The following SCAI variants were observed in gnomAD, a reference collection of about 807,000 sequenced individuals.
SCAI encodes suppressor of cancer cell invasion.
Under a neutral mutation model 92.2 loss-of-function variants are expected in SCAI, and 24 were observed. That is an observed-to-expected ratio of 0.26 (90% CI 0.19 to 0.37). SCAI has a LOEUF of 0.37. Ranked by LOEUF, SCAI falls within the 10% of genes least tolerant of loss-of-function variation. The pLI is 1.00. For synonymous variants in SCAI, 261 were observed against 258.6 expected (o/e 1.01, Z -0.09); for missense variants, 450 against 736.2 (o/e 0.61, Z 4.50).
intron 14 of SCAI, among the ~76,000 whole-genome samples, chr9:124,981,527 G>A (rs191033552): frequency 2.6e-4 from 39 of 152,242 alleles, no homozygotes; most frequent in African/African-American, 7.9e-4. Flanking sequence ...TAATAAAGAA[G>A]CTCTTCATCA....
chr9:125,115,785 G>A (rs1210798493), intron 2 of SCAI, among the ~76,000 whole-genome samples: 2 of 152,120 alleles, frequency 1.3e-5, no homozygotes, highest in Non-Finnish European at 2.9e-5. Context: ...GAGAGGGAAG[G>A]AGGCAAATGC....
rs1483487383 is a variant in SCAI at position 124,949,866 on chromosome 9, A to AT, written c.*2940dup. The stretch of plus-strand genomic sequence containing the variant: ...GGAGTATAGTCTTTGTTTAATACGC[A>AT]TTTTTTTGAAGGCATCAATGAAACA... On this transcript the variant is annotated 3_prime_UTR_variant, in exon 18 of 18. Coordinates refer to ENST00000336505, the MANE Select transcript of SCAI (RefSeq NM_001144877.3). The surrounding 1 kb of genome is among the most constrained non-coding windows in gnomAD (Gnocchi z 4.0). 1 of 152,058 alleles carries AT rather than the reference A, an allele frequency of 6.6e-6. No homozygotes were observed. Among genetic ancestry groups the AT allele is most frequent in the Non-Finnish European group, 1.5e-5 (1 of 68,004 alleles). 9.4% of individuals were successfully genotyped at this position (152,058 alleles called of 1,614,324 possible).
At position 124,977,956 on chromosome 9, in the gene SCAI, G is replaced by A. The variant is rs576102066; in HGVS notation, c.1327-1770C>T. Among the ~76,000 whole-genome samples, 5 of 152,020 alleles carry A rather than the reference G, an allele frequency of 3.3e-5. No individual in the cohort carries two copies. In the South Asian group the frequency reaches 8.3e-4, roughly 25 times the overall value. ...AAATGTAAAAAATTAAATAATAAAAGTGGTGAAAAAAATAATTATTTTTTT... is the reference window on the plus strand; with the variant it reads ...AAATGTAAAAAATTAAATAATAAAAATGGTGAAAAAAATAATTATTTTTTT... On this transcript the variant is annotated intron_variant, in intron 14 of 17. Coordinates refer to ENST00000336505, the MANE Select transcript of SCAI (RefSeq NM_001144877.3).
chr9:125,134,951 C>T (rs1351141053), intron 2 of SCAI, among the ~76,000 whole-genome samples: 2 of 152,208 alleles, frequency 1.3e-5, no homozygotes, highest in Non-Finnish European at 2.9e-5. Flanking sequence ...GCTGAGATTA[C>T]AGGCATGAGC....
intron 2 of SCAI, among the ~76,000 whole-genome samples, chr9:125,074,054 T>C (rs1421769223): frequency 6.6e-6 from 1 of 151,248 alleles, no homozygotes; most frequent in South Asian, 2.1e-4. Context: ...GGTCAAGAGA[T>C]CGAGACCGTC....
chr9:125,021,703 T>C (rs1443660668), intron 6 of SCAI, among the ~76,000 whole-genome samples: 1 of 152,170 alleles, frequency 6.6e-6, no homozygotes, highest in African/African-American at 2.4e-5. Context: ...TTTTCCATAA[T>C]AAAATTTTTA....
chr9:125,032,196 T>TATATATATATATATATATATATATA (rs1491338051), intron 3 of SCAI, among the ~76,000 whole-genome samples: 1 of 65,566 alleles, frequency 1.5e-5, no homozygotes, highest in Admixed American at 1.5e-4. Context: ...TATATATATA[T>TATATATATATATATATATATATATA]TTTTTTTTTT....
chr9:125,135,438 G>A (rs1030742714), intron 2 of SCAI, among the ~76,000 whole-genome samples: 6 of 151,974 alleles, frequency 3.9e-5, no homozygotes, highest in Non-Finnish European at 7.4e-5. Context: ...GATCAATTGA[G>A]GCCAGGAGTT....
chr9:125,001,844 T>G, intron 12 of SCAI, 121 bp downstream of exon 12: 1 of 606,314 alleles, frequency 1.6e-6, no homozygotes, highest in Non-Finnish European at 2.9e-6. Flanking sequence ...ATAGACCAGG[T>G]TTCAAATTTG....
chr9:125,101,652 G>A (rs959835131), intron 2 of SCAI, among the ~76,000 whole-genome samples: 2 of 152,160 alleles, frequency 1.3e-5, no homozygotes, highest in Admixed American at 6.6e-5. Context: ...AGAGTTCAGG[G>A]GAATGGTATA....
intron 3 of SCAI, among the ~76,000 whole-genome samples, chr9:125,030,228 T>C (rs982634179): frequency 1.3e-5 from 2 of 152,244 alleles, no homozygotes; most frequent in South Asian, 4.1e-4. Flanking sequence ...GTACAGTCTT[T>C]GAGAGGCAAA....
chr9:125,121,705 T>C (rs1835158456), intron 2 of SCAI, among the ~76,000 whole-genome samples: 1 of 151,778 alleles, frequency 6.6e-6, no homozygotes, highest in Admixed American at 6.6e-5. Context: ...ACACAAAAAT[T>C]AGCCAGGCAT....
At chr9:125,068,532 A>C (rs1833915749) in intron 2 of SCAI, among the ~76,000 whole-genome samples, 1 of 151,832 alleles carries the variant, frequency 6.6e-6, no homozygotes, top group Non-Finnish European at 1.5e-5. Context: ...ATACAACAAA[A>C]AACAAAGAGG....
chr9:125,041,124 A>G (rs1448109882), intron 3 of SCAI, among the ~76,000 whole-genome samples: 1 of 152,234 alleles, frequency 6.6e-6, no homozygotes, highest in Non-Finnish European at 1.5e-5. Context: ...CAGGCACAAT[A>G]GCAAGAATTA....
intron 9 of SCAI, among the ~76,000 whole-genome samples, chr9:125,014,485 G>C (rs1832707818): frequency 6.6e-6 from 1 of 152,062 alleles, no homozygotes; most frequent in Non-Finnish European, 1.5e-5. Flanking sequence ...GGATGTGAAG[G>C]ACCTCTTCAA....
intron 2 of SCAI, among the ~76,000 whole-genome samples, chr9:125,103,921 C>T (rs1219073061): frequency 1.3e-5 from 2 of 152,082 alleles, no homozygotes; most frequent in African/African-American, 4.8e-5. Flanking sequence ...GTATCTAACC[C>T]ATTCCAGACA....
chr9:125,103,191 T>TC (rs897329012), intron 2 of SCAI, among the ~76,000 whole-genome samples: 2 of 152,156 alleles, frequency 1.3e-5, no homozygotes, highest in African/African-American at 4.8e-5. Context: ...GTGAGCAATC[T>TC]CTCTCTTGAA....
At chr9:125,123,661 G>A (rs904036815) in intron 2 of SCAI, among the ~76,000 whole-genome samples, 7 of 152,136 alleles carry the variant, frequency 4.6e-5, no homozygotes, top group East Asian at 3.9e-4. Context: ...TGGAATCTCA[G>A]CTACTTGGGA....
At chr9:125,053,315 C>T (rs1833599369) in intron 3 of SCAI, among the ~76,000 whole-genome samples, 1 of 152,048 alleles carries the variant, frequency 6.6e-6, no homozygotes, top group Non-Finnish European at 1.5e-5. Flanking sequence ...GCCCGGACGA[C>T]AAGAGCAACA....
Sources: allele counts gnomAD v4.1 joint callset (sites outside exome capture counted in the v4.1 genomes callset), GRCh38; gene constraint gnomAD v4.1.1; non-coding constraint Gnocchi (gnomAD v3.1); transcripts MANE v1.5; gene names NCBI Gene and HGNC (gene_info 2026-07-23, HGNC 2026-07-21).